Variants in PDE1A observed in about 807,000 individuals in gnomAD.
PDE1A encodes dual specificity calcium/calmodulin-dependent 3',5'-cyclic nucleotide phosphodiesterase 1A.
In PDE1A, 35 loss-of-function variants were observed where a neutral mutation model predicts 61.7. That is an observed-to-expected ratio of 0.57 (90% CI 0.43 to 0.75). The LOEUF is 0.75. Ranked by LOEUF, PDE1A falls within the 30% of genes least tolerant of loss-of-function variation. The pLI, the probability that PDE1A is intolerant of heterozygous loss-of-function variation, is 0.00. For synonymous variants in PDE1A, 232 were observed against 213.2 expected (o/e 1.09, Z -0.77); for missense variants, 597 against 630.6 (o/e 0.95, Z 0.57).
chr2:182,454,606 A>G (rs1423048391), intron 2 of PDE1A, among the ~76,000 whole-genome samples: 1 of 151,796 alleles, frequency 6.6e-6, no homozygotes, highest in Non-Finnish European at 1.5e-5. Context: ...GCCCTCAGAA[A>G]TAATGCCGCA....
Position 182,147,165 on chromosome 2 carries a change from G to A in PDE1A, c.1517-13C>T, listed in dbSNP as rs748825143. ...AGATCAGATTCACCTAAAAATATAA[G>A]GAAACAAAAGCAAAACAAAACAAAA... On this transcript the variant is annotated splice_polypyrimidine_tract_variant and intron_variant, in intron 13 of 13. Coordinates refer to the PDE1A transcript ENST00000409365. The A allele has an allele frequency of 6.7e-7, 1 of 1,502,360 alleles. No individual in the cohort carries two copies. The highest frequency in any genetic ancestry group is 1.2e-5 in the South Asian group (1 of 85,058). The allele number at this position is 1,502,360 out of a possible 1,614,324, so 93.1% of individuals were successfully genotyped here.
the PDE1A span, among the ~76,000 whole-genome samples, chr2:182,573,421 AT>A: frequency 6.6e-6 from 1 of 152,156 alleles, no homozygotes; most frequent in Non-Finnish European, 1.5e-5. Flanking sequence ...AATGTGGGAC[AT>A]TTCTCAAGAC....
downstream of PDE1A, among the ~76,000 whole-genome samples, chr2:182,145,169 G>A (rs1449273626): frequency 1.3e-5 from 2 of 152,184 alleles, no homozygotes; most frequent in Non-Finnish European, 2.9e-5. Flanking sequence ...AATTAACTTT[G>A]ACATAATTCC....
chr2:182,701,765 A>T, the PDE1A span, among the ~76,000 whole-genome samples: 1 of 152,150 alleles, frequency 6.6e-6, no homozygotes, highest in Non-Finnish European at 1.5e-5. Context: ...TTGTGATTCT[A>T]GGTAGCCTTC....
rs72899050 is a variant in PDE1A, at chr2:182,322,881, A to G, written c.54-58467T>C. Reference sequence around the variant, plus strand: ...AAATAAATAAATAACTAGGCTGTAGACCCAGAAATAAAATCAGAGAGTATA... The same window carrying G: ...AAATAAATAAATAACTAGGCTGTAGGCCCAGAAATAAAATCAGAGAGTATA... On this transcript the variant is annotated intron_variant, in intron 1 of 13. Transcript: ENST00000351439. Among the ~76,000 whole-genome samples, 885 of 152,338 alleles carry G rather than the reference A, an allele frequency of 5.8e-3. 4 individuals carry two copies. The highest frequency in any genetic ancestry group is 9.9e-3 in the Non-Finnish European group (674 of 68,020).
chr2:182,597,462 T>C, the PDE1A span, among the ~76,000 whole-genome samples: 170 of 152,174 alleles, frequency 1.1e-3, no homozygotes, highest in Middle Eastern at 6.8e-3. Flanking sequence ...TTGCAGGCTA[T>C]TGCAGAGGAA....
intron 1 of PDE1A, among the ~76,000 whole-genome samples, chr2:182,271,771 T>C (rs914944868): frequency 6.6e-6 from 1 of 152,102 alleles, no homozygotes; most frequent in African/African-American, 2.4e-5. Context: ...GACAAAAGGG[T>C]ATTTATGGTT....
intron 13 of PDE1A, among the ~76,000 whole-genome samples, chr2:182,169,863 G>A (rs189642723): frequency 5.2e-4 from 78 of 149,248 alleles, no homozygotes; most frequent in Non-Finnish European, 8.4e-4. Context: ...TCTTACTTTT[G>A]TTGTCCATGC....
At chr2:182,654,979 T>C in the PDE1A span, among the ~76,000 whole-genome samples, 4 of 152,200 alleles carry the variant, frequency 2.6e-5, no homozygotes, top group African/African-American at 9.6e-5. Context: ...TCATTTGTCC[T>C]GTCTAAGGTA....
chr2:182,600,843 C>T, the PDE1A span, among the ~76,000 whole-genome samples: 3 of 152,344 alleles, frequency 2.0e-5, 1 homozygote, highest in East Asian at 5.8e-4. Context: ...TGATTCTGGG[C>T]TGGGCCTTCA....
intron 1 of PDE1A, among the ~76,000 whole-genome samples, chr2:182,407,775 A>T (rs1702383403): frequency 6.6e-6 from 1 of 152,228 alleles, no homozygotes; most frequent in South Asian, 2.1e-4. Context: ...AAATGTATGT[A>T]GCTAAGTCTT....
the PDE1A span, among the ~76,000 whole-genome samples, chr2:182,545,821 T>C: frequency 1.3e-5 from 2 of 152,230 alleles, no homozygotes; most frequent in Non-Finnish European, 2.9e-5. Flanking sequence ...TAATTTATGT[T>C]CTTACCAGCA....
intron 1 of PDE1A, among the ~76,000 whole-genome samples, chr2:182,297,612 C>G (rs1040788177): frequency 6.6e-6 from 1 of 152,212 alleles, no homozygotes; most frequent in African/African-American, 2.4e-5. Context: ...TTAGATGTCA[C>G]TTATAAAAGA....
the PDE1A span, among the ~76,000 whole-genome samples, chr2:182,654,067 A>G: frequency 2.0e-5 from 3 of 152,224 alleles, no homozygotes; most frequent in Non-Finnish European, 4.4e-5. Context: ...ATACCTGTGG[A>G]AAATAGTGAC....
chr2:182,499,783 A>G (rs1044134834), intron 2 of PDE1A, among the ~76,000 whole-genome samples: 4 of 152,222 alleles, frequency 2.6e-5, no homozygotes, highest in African/African-American at 9.6e-5. Flanking sequence ...GTATTTCTCA[A>G]GTGCCCTATC....
intron 2 of PDE1A, among the ~76,000 whole-genome samples, chr2:182,450,206 C>T (rs372243305): frequency 1.3e-5 from 2 of 151,882 alleles, no homozygotes; most frequent in Non-Finnish European, 2.9e-5. Context: ...TTATTCAATA[C>T]CAAAGGAAAC....
chr2:182,174,094 G>A lies in PDE1A; in HGVS notation c.1517-5804C>T, dbSNP rs895335878. Among the ~76,000 whole-genome samples, 5 of 152,184 alleles carry A rather than the reference G, an allele frequency of 3.3e-5. No homozygotes were observed. In the East Asian group the frequency reaches 9.6e-4, roughly 29 times the overall value. Reference sequence around the variant, plus strand: ...GATAAAACTACAGATAAATACCACAGGGGAATGTAGGTCTTTGAGAGTCAC... The same window carrying A: ...GATAAAACTACAGATAAATACCACAAGGGAATGTAGGTCTTTGAGAGTCAC... On this transcript the variant is annotated intron_variant, in intron 13 of 13. Transcript: ENST00000351439.
intron 13 of PDE1A, among the ~76,000 whole-genome samples, chr2:182,179,995 T>C (rs1188474631): frequency 2.6e-5 from 4 of 152,184 alleles, no homozygotes; most frequent in Non-Finnish European, 4.4e-5. Flanking sequence ...CCCTGATGCT[T>C]AATTAATATT....
the PDE1A span, among the ~76,000 whole-genome samples, chr2:182,617,119 C>T: frequency 6.6e-6 from 1 of 152,146 alleles, no homozygotes; most frequent in Non-Finnish European, 1.5e-5. Flanking sequence ...ACCTTGGAAT[C>T]TTGGACCATG....
Sources: gnomAD v4.1 joint callset for allele counts (sites outside exome capture counted in the v4.1 genomes callset) on GRCh38, gnomAD v4.1.1 for gene constraint, MANE v1.5 for transcripts, NCBI Gene and HGNC (gene_info 2026-07-23, HGNC 2026-07-21) for gene names.